ZMYND8: variants seen among roughly 807,000 people sequenced by gnomAD.
ZMYND8 encodes MYND-type zinc finger-containing chromatin reader ZMYND8.
ZMYND8 carries 37 observed loss-of-function variants against 140.8 expected under a neutral mutation model. The ratio of observed to expected loss-of-function variants is 0.26; its 90% confidence interval spans 0.20 to 0.35. ZMYND8 has a LOEUF of 0.35. ZMYND8 is among the 10% of genes least tolerant of loss of function. The pLI is 1.00. For synonymous variants in ZMYND8, 592 were observed against 597.1 expected (o/e 0.99, Z 0.12); for missense variants, 1,068 against 1,570.0 (o/e 0.68, Z 5.40).
chr20:47,261,446 G>A (rs1486249499), intron 12 of ZMYND8, among the ~76,000 whole-genome samples: 1 of 151,968 alleles, frequency 6.6e-6, no homozygotes, highest in East Asian at 1.9e-4. Context: ...GGGTGAGGCA[G>A]GAAATAGCTT....
chr20:47,324,165 G>A (rs1431336958), intron 2 of ZMYND8, among the ~76,000 whole-genome samples: 1 of 139,010 alleles, frequency 7.2e-6, no homozygotes, highest in East Asian at 2.1e-4. Context: ...TCATGCCATT[G>A]CACTCCAACC....
intron 16 of ZMYND8, among the ~76,000 whole-genome samples, chr20:47,231,478 G>T (rs2038475718): frequency 6.6e-6 from 1 of 152,186 alleles, no homozygotes; most frequent in African/African-American, 2.4e-5. Context: ...CGCAAACACT[G>T]CAGCTCGTTA....
chr20:47,308,563 A>G lies in ZMYND8; in HGVS notation c.234+1493T>C, dbSNP rs545648171. Among the ~76,000 whole-genome samples, 8 of 152,248 alleles carry G rather than the reference A, an allele frequency of 5.3e-5. No homozygotes were observed. The South Asian group carries it at 1.5e-3, about 28-fold the overall frequency. The stretch of plus-strand genomic sequence containing the variant: ...CAGGAATTGTTTATTTCATATAAAG[A>G]TTGTATGATTATTCTACTTAGCAGA... On this transcript the variant is annotated intron_variant, in intron 3 of 22. Transcript: ENST00000471951.
intron 3 of ZMYND8, among the ~76,000 whole-genome samples, chr20:47,303,373 T>A (rs770277063): frequency 6.6e-6 from 1 of 152,208 alleles, no homozygotes; most frequent in African/African-American, 2.4e-5. Flanking sequence ...ATTTTCAGTA[T>A]CTGACTTCTT....
At chr20:47,280,422 G>A (rs1276875462) in intron 10 of ZMYND8, among the ~76,000 whole-genome samples, 2 of 152,164 alleles carry the variant, frequency 1.3e-5, no homozygotes, top group African/African-American at 4.8e-5. Flanking sequence ...ACACACAAAT[G>A]GTTTTGGGAA....
At chr20:47,218,959 G>A (rs2036521891) in intron 21 of ZMYND8, among the ~76,000 whole-genome samples, 2 of 151,612 alleles carry the variant, frequency 1.3e-5, no homozygotes, top group Non-Finnish European at 2.9e-5. Flanking sequence ...GCTCACGCCT[G>A]TAATCCCAGC....
intron 16 of ZMYND8, among the ~76,000 whole-genome samples, chr20:47,235,734 T>TA (rs1284335869): frequency 6.7e-6 from 1 of 149,658 alleles, no homozygotes; most frequent in Non-Finnish European, 1.5e-5. Context: ...CTTGGCAACT[T>TA]AAGAGAAAAA....
intron 12 of ZMYND8, among the ~76,000 whole-genome samples, chr20:47,250,708 G>A (rs1010761786): frequency 6.6e-6 from 1 of 152,194 alleles, no homozygotes; most frequent in African/African-American, 2.4e-5. Context: ...TCCTGTTCAT[G>A]CAGTAAGGGA....
rs1172131125 is a variant in ZMYND8 at position 47,342,407 on chromosome 20, C to A, written c.85+5449G>T. Among the ~76,000 whole-genome samples, 3 of 148,862 alleles carry A rather than the reference C, an allele frequency of 2.0e-5. No homozygotes were observed. In the East Asian group the frequency reaches 6.0e-4, roughly 30 times the overall value. ...TAAAAATACAAAAAAATTAGCCAGGCGTGGTGGTGCGCTCCTGCAATCCCA... is the reference window on the plus strand; with the variant it reads ...TAAAAATACAAAAAAATTAGCCAGGAGTGGTGGTGCGCTCCTGCAATCCCA... On this transcript the variant is annotated intron_variant, in intron 2 of 22. Transcript: ENST00000471951.
chr20:47,287,381 C>G (rs534994176), intron 7 of ZMYND8, 97 bp from the exon 8 acceptor site: 1 of 1,064,658 alleles, frequency 9.4e-7, no homozygotes, highest in South Asian at 1.3e-5. Context: ...ACTTGCTTTT[C>G]CCCCAGGATT....
intron 7 of ZMYND8, among the ~76,000 whole-genome samples, chr20:47,289,129 A>G (rs944391150): frequency 5.9e-5 from 9 of 152,164 alleles, no homozygotes; most frequent in Non-Finnish European, 1.3e-4. Context: ...AAATAATCCT[A>G]TTTTTGCAAT....
At chr20:47,224,913 T>C (rs77761628) in intron 18 of ZMYND8, among the ~76,000 whole-genome samples, 5,090 of 150,150 alleles carry the variant, frequency 0.034, 288 homozygotes, top group African/African-American at 0.12. Context: ...ATAAGCCTTT[T>C]CCCCCCTATC....
chr20:47,216,186 A>T (rs889295917), intron 21 of ZMYND8, among the ~76,000 whole-genome samples: 6 of 152,142 alleles, frequency 3.9e-5, no homozygotes, highest in Non-Finnish European at 7.4e-5. Flanking sequence ...ATAAAAACAA[A>T]AAACTTGGGT....
At chr20:47,345,854 C>T (rs1040237804) in intron 2 of ZMYND8, among the ~76,000 whole-genome samples, 2 of 151,256 alleles carry the variant, frequency 1.3e-5, no homozygotes, top group African/African-American at 4.9e-5. Flanking sequence ...GGGGGGGTCT[C>T]GTTAAGTTGC....
chr20:47,301,419 G>C (rs2078039674), intron 3 of ZMYND8, among the ~76,000 whole-genome samples: 1 of 152,090 alleles, frequency 6.6e-6, no homozygotes, highest in African/African-American at 2.4e-5. Flanking sequence ...GCCTCCCAAA[G>C]TGCTGGGATT....
intron 7 of ZMYND8, among the ~76,000 whole-genome samples, chr20:47,288,356 T>C (rs528701919): frequency 6.6e-6 from 1 of 152,082 alleles, no homozygotes; most frequent in East Asian, 1.9e-4. Context: ...GGCGGGGCCT[T>C]TCTATATATT....
intron 8 of ZMYND8, 22 bp from the exon 9 acceptor site, chr20:47,283,670 G>A: frequency 6.2e-7 from 1 of 1,610,048 alleles, no homozygotes; most frequent in South Asian, 1.1e-5. Context: ...AAATACATTA[G>A]AATGTGTCAC....
At chr20:47,239,517 G>C (rs555952028) in intron 14 of ZMYND8, among the ~76,000 whole-genome samples, 66 of 152,218 alleles carry the variant, frequency 4.3e-4, no homozygotes, top group Non-Finnish European at 5.6e-4. Context: ...TTAAAATCTA[G>C]TCGGCACCTT....
chr20:47,296,801 T>G (rs951021580), intron 4 of ZMYND8, among the ~76,000 whole-genome samples: 4 of 151,390 alleles, frequency 2.6e-5, no homozygotes, highest in African/African-American at 9.7e-5. Flanking sequence ...ACAAAAAACT[T>G]AGTAAGTAGC....
Sources: allele counts gnomAD v4.1 joint callset (sites outside exome capture counted in the v4.1 genomes callset), GRCh38; gene constraint gnomAD v4.1.1; transcripts MANE v1.5; gene names NCBI Gene and HGNC (gene_info 2026-07-23, HGNC 2026-07-21).